Variants in CCDC198 observed in about 807,000 individuals in gnomAD.
CCDC198 encodes factor associated with metabolism and energy.
Under a neutral mutation model 35.6 loss-of-function variants are expected in CCDC198, and 18 were observed. The ratio of observed to expected loss-of-function variants is 0.51; its 90% CI spans 0.35 to 0.75. The LOEUF is 0.75. CCDC198 is among the 30% of genes least tolerant of loss of function. CCDC198 has a pLI of 0.01. For synonymous variants in CCDC198, 119 were observed against 113.4 expected, an observed-to-expected ratio of 1.05 and a Z score of -0.31; for missense variants, 365 against 343.7, an observed-to-expected ratio of 1.06 and a Z score of -0.49.
In CCDC198 at chr14:57,491,026, G is replaced by T. The variant is rs775611100; in HGVS notation, c.269C>A (p.Thr90Lys). 3 of 1,609,364 alleles carry T rather than the reference G, an allele frequency of 1.9e-6. No individual in the cohort carries two copies. Among genetic ancestry groups the T allele is most frequent in the Non-Finnish European group, 2.6e-6 (3 of 1,176,450 alleles). Residue 90 changes from threonine (T) to lysine (K), a missense_variant, in exon 2 of 6, where the codon ACA becomes AAA. Thr to Lys is a moderately conservative substitution (Grantham distance 78). Coordinates refer to ENST00000216445, the MANE Select transcript of CCDC198 (RefSeq NM_018168.4). ...YFDIPLEHRE[T>K]SIIKRHPPQR... ...GGGTGGATGCCTTTTAATAATACTTGTTTCTCTGTGTTCCAGTGGGATGTC... is the reference window on the plus strand; with the variant it reads ...GGGTGGATGCCTTTTAATAATACTTTTTTCTCTGTGTTCCAGTGGGATGTC...
At chr14:57,477,616 G>A (rs1365261307) in intron 5 of CCDC198, among the ~76,000 whole-genome samples, 3 of 152,186 alleles carry the variant, frequency 2.0e-5, no homozygotes, top group African/African-American at 2.4e-5. Context: ...ATCACTTGAG[G>A]AACTTTTAAA....
At position 57,473,346 on chromosome 14, in the gene CCDC198, C is replaced by T. The variant is rs77168387; in HGVS notation, c.656-1756G>A. ...CTGGACACCTCCACTTTGATATCTA[C>T]TTGGCAATAATGCAGCCCTACCTTC... On this transcript the variant is annotated intron_variant, in intron 5 of 5. Coordinates refer to ENST00000216445, the MANE Select transcript of CCDC198 (RefSeq NM_018168.4). 2.4e-3 allele frequency among the ~76,000 whole-genome samples: 367 copies of T among 152,326 alleles called. 2 individuals carry two copies. The highest frequency in any genetic ancestry group is 8.4e-3 in the African/African-American group (348 of 41,576).
At chr14:57,490,882 A>T in intron 2 of CCDC198, 107 bp downstream of exon 2, 1 of 1,035,234 alleles carries the variant, frequency 9.7e-7, no homozygotes, top group Non-Finnish European at 1.4e-6. Flanking sequence ...CATTCTCATT[A>T]ATAGCTTGGT....
intron 4 of CCDC198, 91 bp from the exon 5 acceptor site, chr14:57,480,845 G>T: frequency 1.5e-6 from 2 of 1,355,580 alleles, no homozygotes; most frequent in South Asian, 1.3e-5. Context: ...CAAGTTGTGT[G>T]CTTATCTGTA....
chr14:57,486,703 A>G (rs186005234), intron 2 of CCDC198, among the ~76,000 whole-genome samples: 2 of 152,310 alleles, frequency 1.3e-5, no homozygotes, highest in African/African-American at 4.8e-5. Flanking sequence ...TTGAGTCTGA[A>G]GAAGCCAAGA....
intron 5 of CCDC198, chr14:57,475,535 C>T (rs1440447755): frequency 1.4e-5 from 10 of 699,486 alleles, no homozygotes; most frequent in Admixed American, 1.0e-4. Flanking sequence ...GGTGAAACCT[C>T]GTCTCTACTA....
rs115780509 is a variant in CCDC198, at chr14:57,481,134, T to G, written c.496-380A>C. On this transcript the variant is annotated intron_variant, in intron 4 of 5. Transcript: ENST00000216445. ...TACTGGTAAAGGGTTTTTTTGTTTG[T>G]TTGGTTGGTTGGTTGTTTTTTTTAC... Among the ~76,000 whole-genome samples the G allele has an allele frequency of 6.9e-3, 1,052 of 152,282 alleles. 14 individuals are homozygous for G. Among genetic ancestry groups the G allele is most frequent in the African/African-American group, 0.024 (986 of 41,538 alleles).
chr14:57,491,174 T>C, intron 1 of CCDC198, 103 bp from the exon 2 acceptor site: 1 of 1,166,132 alleles, frequency 8.6e-7, no homozygotes, highest in Non-Finnish European at 1.2e-6. Context: ...ATTTTGTACC[T>C]TTTCAGTTAT....
chr14:57,474,339 C>T (rs1408514279), intron 5 of CCDC198, among the ~76,000 whole-genome samples: 2 of 152,182 alleles, frequency 1.3e-5, no homozygotes, highest in Non-Finnish European at 2.9e-5. Flanking sequence ...CTCTGCTCTG[C>T]AAATTAGTCA....
chr14:57,492,202 C>T (rs1413389663), intron 1 of CCDC198, among the ~76,000 whole-genome samples: 1 of 151,998 alleles, frequency 6.6e-6, no homozygotes. Context: ...GATGAAGTAA[C>T]TTGCCCAAGG....
At chr14:57,479,126 G>C (rs773982075) in intron 5 of CCDC198, 3 of 904,096 alleles carry the variant, frequency 3.3e-6, no homozygotes, top group Admixed American at 2.4e-5. Flanking sequence ...AGCATAGAGC[G>C]ATCTGAGAGC....
chr14:57,489,535 GA>G lies in CCDC198; in HGVS notation c.306+1453del, dbSNP rs887351576. 4.6e-5 allele frequency among the ~76,000 whole-genome samples: 7 copies of G among 151,742 alleles called. No homozygotes were observed. The East Asian group carries it at 9.7e-4, about 21-fold the overall frequency. On this transcript the variant is annotated intron_variant, in intron 2 of 5. Coordinates refer to ENST00000216445, the MANE Select transcript of CCDC198 (RefSeq NM_018168.4). The stretch of plus-strand genomic sequence containing the variant: ...TGTACCCCTGAACTTAAAAGTTGAA[GA>G]AAAAAAAGGCACAGTCTTTGCACTG...
intron 1 of CCDC198, among the ~76,000 whole-genome samples, chr14:57,491,746 G>C (rs1213808878): frequency 6.6e-6 from 1 of 152,104 alleles, no homozygotes; most frequent in Non-Finnish European, 1.5e-5. Flanking sequence ...TCTTGGGAGT[G>C]CTACCATGAC....
intron 5 of CCDC198, chr14:57,478,649 G>GT (rs766470614): frequency 1.0e-6 from 1 of 995,130 alleles, no homozygotes; most frequent in Non-Finnish European, 1.2e-6. Context: ...TTTAGGTGAG[G>GT]TTTTTTTCTT....
intron 2 of CCDC198, among the ~76,000 whole-genome samples, chr14:57,483,493 C>G (rs2067254260): frequency 6.6e-6 from 1 of 152,108 alleles, no homozygotes; most frequent in African/African-American, 2.4e-5. Flanking sequence ...AAAAGAGGCG[C>G]TAGGAATTTA....
chr14:57,488,731 C>G (rs1209133484), intron 2 of CCDC198, among the ~76,000 whole-genome samples: 1 of 152,132 alleles, frequency 6.6e-6, no homozygotes, highest in Non-Finnish European at 1.5e-5. Flanking sequence ...TGAACAGACA[C>G]TTCTCAAAAG....
chr14:57,476,615 C>T (rs186732336), intron 5 of CCDC198, among the ~76,000 whole-genome samples: 3 of 152,180 alleles, frequency 2.0e-5, no homozygotes, highest in Admixed American at 6.5e-5. Context: ...ACATGTAAAG[C>T]GTGGGAGATT....
intron 5 of CCDC198, among the ~76,000 whole-genome samples, chr14:57,479,287 T>TA (rs2067106297): frequency 6.6e-6 from 1 of 152,134 alleles, no homozygotes; most frequent in African/African-American, 2.4e-5. Flanking sequence ...GAGGCCTTGT[T>TA]ATGTTGGCCA....
rs149520479 is a variant in CCDC198, at chr14:57,480,601, C to G, written c.649G>C (p.Gly217Arg). The change falls in exon 5 of 6, where the codon GGT (glycine) becomes CGT (arginine). Residue 217 changes from glycine to arginine, a missense_variant. Gly to Arg is a moderately radical substitution (Grantham distance 125). Coordinates refer to ENST00000216445, the MANE Select transcript of CCDC198 (RefSeq NM_018168.4). ...AAAATTGTACATGACTCACCGGGAC[C>G]TCTGTTCAAGATTTCATCAGGCAAC... Reference protein sequence around the residue: ...TMLPDEILNRGPGNSKNTEFL... With the variant: ...TMLPDEILNRRPGNSKNTEFL... 751 of 1,613,606 alleles carry G rather than the reference C, an allele frequency of 4.7e-4. 3 individuals carry two copies. In the African/African-American group the frequency reaches 8.6e-3, roughly 18 times the overall value.
Sources: allele counts gnomAD v4.1 joint callset (sites outside exome capture counted in the v4.1 genomes callset), GRCh38; gene constraint gnomAD v4.1.1; transcripts MANE v1.5; gene names NCBI Gene and HGNC (gene_info 2026-07-23, HGNC 2026-07-21).